Variants in PPP1R9A observed in about 807,000 individuals in gnomAD.
PPP1R9A encodes the protein protein phosphatase 1 regulatory subunit 9A.
A neutral mutation model predicts 141.9 loss-of-function variants in PPP1R9A; 59 were observed. That is an observed-to-expected ratio of 0.42 (90% CI 0.34 to 0.52). The LOEUF (loss-of-function observed/expected upper bound fraction) is 0.52, where lower values mean the gene tolerates loss of function less well. Ranked by LOEUF, PPP1R9A falls within the 20% of genes least tolerant of loss-of-function variation. The pLI is 0.10. For synonymous variants in PPP1R9A, 500 were observed against 569.7 expected (o/e 0.88, Z 1.74); for missense variants, 1,444 against 1,611.9 (o/e 0.90, Z 1.78).
intron 2 of PPP1R9A, among the ~76,000 whole-genome samples, chr7:95,045,202 G>A (rs1344818870): frequency 2.0e-5 from 3 of 152,158 alleles, no homozygotes; most frequent in Non-Finnish European, 4.4e-5. Context: ...CGAGGGGCAT[G>A]CAGTGGAAAA....
At chr7:95,210,040 T>C (rs1791737383) in intron 7 of PPP1R9A, among the ~76,000 whole-genome samples, 1 of 152,192 alleles carries the variant, frequency 6.6e-6, no homozygotes, top group East Asian at 1.9e-4. Context: ...AGAGGTCCAC[T>C]TTGGTCTGTC....
chr7:95,012,262 G>A (rs1335969339), intron 2 of PPP1R9A, among the ~76,000 whole-genome samples: 2 of 152,134 alleles, frequency 1.3e-5, no homozygotes, highest in Non-Finnish European at 2.9e-5. Flanking sequence ...ATGGCGGAAG[G>A]TAAAGAGGAA....
In PPP1R9A at chr7:94,948,638, C is replaced by G. The variant is rs575309176; in HGVS notation, c.1395+37130C>G. 8.5e-5 allele frequency among the ~76,000 whole-genome samples: 13 copies of G among 152,270 alleles called. 1 individual carries two copies. The South Asian group carries it at 2.7e-3, about 32-fold the overall frequency. On this transcript the variant is annotated intron_variant, in intron 2 of 19. Transcript: ENST00000433360. ...GAAAGGAAGTATAGCTAGCTTTCCC[C>G]TCTCTTTCCAAGTTACATGGTTAGT...
chr7:95,107,414 A>G (rs1041061063), intron 2 of PPP1R9A, among the ~76,000 whole-genome samples: 1 of 152,056 alleles, frequency 6.6e-6, no homozygotes, highest in African/African-American at 2.4e-5. Flanking sequence ...TAATCAAATT[A>G]TTTATTTCCT....
At chr7:94,960,259 C>CAA (rs1797488810) in intron 2 of PPP1R9A, among the ~76,000 whole-genome samples, 1 of 150,596 alleles carries the variant, frequency 6.6e-6, no homozygotes, top group Admixed American at 6.6e-5. Flanking sequence ...TTCTGGCACT[C>CAA]TCTTAAGACT....
At chr7:95,104,488 A>G (rs1472342589) in intron 2 of PPP1R9A, among the ~76,000 whole-genome samples, 2 of 152,198 alleles carry the variant, frequency 1.3e-5, no homozygotes, top group Non-Finnish European at 2.9e-5. Context: ...TTTTCATTGT[A>G]ACATACTCCT....
At chr7:94,908,150 G>A (rs568801614) in intron 1 of PPP1R9A, 1 of 150,806 alleles carries the variant, frequency 6.6e-6, no homozygotes, top group Non-Finnish European at 1.5e-5. Flanking sequence ...GTAAGGGGGA[G>A]GCTGAGCGCG....
intron 3 of PPP1R9A, among the ~76,000 whole-genome samples, chr7:95,118,333 A>T (rs185764341): frequency 6.6e-6 from 1 of 152,372 alleles, no homozygotes; most frequent in East Asian, 1.9e-4. Context: ...AGGAGAAATC[A>T]CATGTATATA....
chr7:95,165,908 G>T (rs1045404606), intron 5 of PPP1R9A, among the ~76,000 whole-genome samples: 5 of 152,152 alleles, frequency 3.3e-5, no homozygotes, highest in Non-Finnish European at 7.4e-5. Flanking sequence ...ATCATTTTGG[G>T]AAGCTGAGGC....
chr7:95,183,144 T>C (rs532306881), intron 5 of PPP1R9A, among the ~76,000 whole-genome samples: 112 of 151,562 alleles, frequency 7.4e-4, no homozygotes, highest in Non-Finnish European at 1.2e-3. Context: ...AAATACTCTT[T>C]CTTTTTTTTT....
intron 2 of PPP1R9A, among the ~76,000 whole-genome samples, chr7:95,085,982 A>C (rs1486775302): frequency 6.6e-6 from 1 of 151,826 alleles, no homozygotes; most frequent in Non-Finnish European, 1.5e-5. Context: ...GTATGACGTG[A>C]GGTAGGGATA....
chr7:95,038,281 A>G (rs1345347743), intron 2 of PPP1R9A, among the ~76,000 whole-genome samples: 5 of 152,108 alleles, frequency 3.3e-5, no homozygotes, highest in East Asian at 3.9e-4. Context: ...GCCAAGATCT[A>G]TTTACCTGGA....
chr7:95,125,766 T>C (rs1468750566), intron 4 of PPP1R9A, among the ~76,000 whole-genome samples: 1 of 152,232 alleles, frequency 6.6e-6, no homozygotes, highest in Non-Finnish European at 1.5e-5. Context: ...AGATACCACA[T>C]ATGAAATTAA....
intron 18 of PPP1R9A, chr7:95,287,152 G>A: frequency 6.2e-7 from 1 of 1,612,064 alleles, no homozygotes; most frequent in Non-Finnish European, 8.5e-7. Flanking sequence ...TCAGTGGGCT[G>A]TGTGTGGTGG....
At chr7:95,233,945 T>C (rs1796327767) in intron 8 of PPP1R9A, among the ~76,000 whole-genome samples, 1 of 152,150 alleles carries the variant, frequency 6.6e-6, no homozygotes, top group African/African-American at 2.4e-5. Context: ...GTCATCTCAA[T>C]AGATGCAGAA....
chr7:95,267,235 A>G (rs1362624298), intron 12 of PPP1R9A, among the ~76,000 whole-genome samples: 1 of 152,136 alleles, frequency 6.6e-6, no homozygotes, highest in East Asian at 1.9e-4. Flanking sequence ...GAGCACATCT[A>G]GAATAATGCT....
At chr7:95,105,370 C>G (rs930336409) in intron 2 of PPP1R9A, among the ~76,000 whole-genome samples, 1 of 152,120 alleles carries the variant, frequency 6.6e-6, no homozygotes, top group Non-Finnish European at 1.5e-5. Flanking sequence ...CCTTGCTAAC[C>G]GTGTTTGTAA....
At chr7:95,124,974 A>G (rs1823308726) in intron 4 of PPP1R9A, among the ~76,000 whole-genome samples, 1 of 152,136 alleles carries the variant, frequency 6.6e-6, no homozygotes, top group African/African-American at 2.4e-5. Flanking sequence ...TATCCAGTAT[A>G]GTTAAATAGT....
chr7:95,265,952 C>T (rs1326119497), intron 12 of PPP1R9A, among the ~76,000 whole-genome samples: 1 of 152,102 alleles, frequency 6.6e-6, no homozygotes, highest in Admixed American at 6.6e-5. Context: ...AATGTTAAAG[C>T]AGATACACCA....
Sources: gnomAD v4.1 joint callset for allele counts (sites outside exome capture counted in the v4.1 genomes callset) on GRCh38, gnomAD v4.1.1 for gene constraint, MANE v1.5 for transcripts, NCBI Gene and HGNC (gene_info 2026-07-23, HGNC 2026-07-21) for gene names.